The following FAM228B variants were observed in gnomAD, a reference collection of about 807,000 sequenced individuals.
FAM228B encodes protein FAM228B.
Under a neutral mutation model 42.6 loss-of-function variants are expected in FAM228B, and 38 were observed. The observed-to-expected ratio is 0.89, with a 90% CI of 0.69 to 1.17. The LOEUF is 1.17. FAM228B is among the 50% of genes most tolerant of loss of function. The probability of loss-of-function intolerance (pLI) is 0.00; values close to 1 mark genes in which losing one functional copy is unlikely to be tolerated. For synonymous variants in FAM228B, 109 were observed against 122.3 expected (o/e 0.89, Z 0.72); for missense variants, 344 against 367.3 (o/e 0.94, Z 0.52).
chr2:24,142,049 G>A (rs1284686137), intron 5 of FAM228B, among the ~76,000 whole-genome samples: 1 of 152,218 alleles, frequency 6.6e-6, no homozygotes, highest in African/African-American at 2.4e-5. Flanking sequence ...CCACCTGAGA[G>A]CGTCTCGGGT....
intron 10 of FAM228B, among the ~76,000 whole-genome samples, chr2:24,168,991 A>G (rs1394473033): frequency 6.6e-6 from 1 of 152,198 alleles, no homozygotes; most frequent in Non-Finnish European, 1.5e-5. Context: ...TGAAGAGAAA[A>G]GGGAAGAAAG....
chr2:24,077,683 G>A lies in FAM228B; in HGVS notation c.-290+714G>A. On this transcript the variant is annotated intron_variant, in intron 1 of 10. Coordinates refer to the FAM228B transcript ENST00000613899. This position sits in a 1 kb window ranked among gnomAD's most constrained non-coding sequence, Gnocchi z 5.5. ...ACTGGGTAGATTCTGTCCAGAACCG[G>A]CAGCAGACGTTGGGGGCCCTCCGTG... The A allele has an allele frequency of 6.2e-7, 1 of 1,614,098 alleles. No individual in the cohort carries two copies. The highest frequency in any genetic ancestry group is 8.5e-7 in the Non-Finnish European group (1 of 1,179,992).
chr2:24,161,410 C>G, intron 7 of FAM228B, 96 bp from the exon 8 acceptor site: 2 of 719,348 alleles, frequency 2.8e-6, no homozygotes, highest in Non-Finnish European at 2.3e-6. Context: ...TGTGATTGCA[C>G]CACTGCACCA....
chr2:24,086,347 G>T (rs190824361), intron 2 of FAM228B, among the ~76,000 whole-genome samples: 45 of 151,948 alleles, frequency 3.0e-4, no homozygotes, highest in African/African-American at 1.0e-3. Context: ...CAGATTATAC[G>T]GATTGAAAAC....
intron 3 of FAM228B, chr2:24,096,878 C>T (rs1665507213): frequency 6.6e-6 from 1 of 152,108 alleles, no homozygotes; most frequent in Admixed American, 6.6e-5. Context: ...TAAGGGCAGC[C>T]AAAGAGAAAG....
intron 2 of FAM228B, among the ~76,000 whole-genome samples, 170 bp downstream of exon 2, chr2:24,124,630 A>G (rs1034269825): frequency 6.6e-6 from 1 of 152,030 alleles, no homozygotes; most frequent in African/African-American, 2.4e-5. Context: ...TTTTTTTCTA[A>G]CATCTTAAGG....
intron 3 of FAM228B, among the ~76,000 whole-genome samples, chr2:24,115,214 T>C (rs1194898495): frequency 6.6e-6 from 1 of 152,212 alleles, no homozygotes; most frequent in Non-Finnish European, 1.5e-5. Context: ...CAAGGTTGCT[T>C]GCTGCAACCT....
chr2:24,155,472 C>T (rs1667112824), intron 7 of FAM228B, among the ~76,000 whole-genome samples: 1 of 136,736 alleles, frequency 7.3e-6, no homozygotes, highest in Non-Finnish European at 1.5e-5. Flanking sequence ...ACACACTAAG[C>T]AAGTGTGTGC....
chr2:24,084,170 G>A lies in FAM228B; in HGVS notation c.-210+3215G>A, dbSNP rs1213098574. ...GCTCTGGAGTCCCGCCCGCCCCGGC[G>A]CGGCTGAGCCCTGGGTACCTGCATT... On this transcript the variant is annotated intron_variant, in intron 2 of 10. Coordinates refer to the FAM228B transcript ENST00000613899. The surrounding 1 kb of genome is among the most constrained non-coding windows in gnomAD (Gnocchi z 8.4). 7.5e-6 allele frequency: 12 copies of A among 1,599,530 alleles called. No individual in the cohort carries two copies. The highest frequency in any genetic ancestry group is 6.7e-5 in the African/African-American group (5 of 74,650).
In FAM228B at chr2:24,167,677, G is replaced by A. The variant is rs1485434343; in HGVS notation, c.*8G>A. 26 of 1,551,512 alleles carry A rather than the reference G, an allele frequency of 1.7e-5. No individual in the cohort carries two copies. Among genetic ancestry groups the A allele is most frequent in the Non-Finnish European group, 2.1e-5 (24 of 1,146,884 alleles). ...CTGAAGCTGGAGCTATAAGAAAGAA[G>A]AGGGAGGTAGATGTCTTCTCTCTTT... On this transcript the variant is annotated 3_prime_UTR_variant, in exon 10 of 11. Coordinates refer to ENST00000615575, the MANE Select transcript of FAM228B (RefSeq NM_001145710.2).
chr2:24,099,610 A>T (rs1200821820), intron 3 of FAM228B, among the ~76,000 whole-genome samples: 1 of 152,218 alleles, frequency 6.6e-6, no homozygotes, highest in Non-Finnish European at 1.5e-5. Context: ...TGCTCAACGA[A>T]ATAAAAGAGG....
Position 24,084,009 on chromosome 2 carries a change from T to TC in FAM228B, c.-210+3059dup, listed in dbSNP as rs888761251. Reference sequence around the variant, plus strand: ...GGGGTGGATTCTGCTTTACAAGTACTCCCCCTTGTTTTGCATGAACAAAGA... The same window carrying TC: ...GGGGTGGATTCTGCTTTACAAGTACTCCCCCCTTGTTTTGCATGAACAAAGA... On this transcript the variant is annotated intron_variant, in intron 2 of 10. Transcript: ENST00000613899. The surrounding 1 kb of genome is among the most constrained non-coding windows in gnomAD (Gnocchi z 8.4). Among the ~76,000 whole-genome samples the TC allele has an allele frequency of 6.6e-6, 1 of 152,088 alleles. No individual in the cohort carries two copies. The highest frequency in any genetic ancestry group is 2.4e-5 in the African/African-American group (1 of 41,400).
intron 2 of FAM228B, among the ~76,000 whole-genome samples, chr2:24,082,642 T>G (rs4149372): frequency 0.28 from 42,720 of 152,028 alleles, 6,485 homozygotes; most frequent in South Asian, 0.39. Flanking sequence ...AGCTGGGACT[T>G]CTGCTGGGCG....
chr2:24,146,190 G>A (rs1428617923), intron 5 of FAM228B, among the ~76,000 whole-genome samples: 1 of 152,158 alleles, frequency 6.6e-6, no homozygotes, highest in Non-Finnish European at 1.5e-5. Context: ...TAAGCTTGTG[G>A]TAGAATTTCA....
At chr2:24,155,844 T>TG (rs1011426435) in intron 7 of FAM228B, among the ~76,000 whole-genome samples, 2 of 152,046 alleles carry the variant, frequency 1.3e-5, no homozygotes, top group African/African-American at 4.8e-5. Flanking sequence ...CCGGCCACCA[T>TG]GCTCATATTT....
At chr2:24,110,100 C>T (rs547492571) in intron 3 of FAM228B, among the ~76,000 whole-genome samples, 1 of 152,264 alleles carries the variant, frequency 6.6e-6, no homozygotes, top group African/African-American at 2.4e-5. Flanking sequence ...TATTATGCAG[C>T]CATAAAAAGA....
At chr2:24,090,741 C>A (rs1309606977) in intron 2 of FAM228B, among the ~76,000 whole-genome samples, 1 of 151,962 alleles carries the variant, frequency 6.6e-6, no homozygotes, top group Non-Finnish European at 1.5e-5. Context: ...AACGTAGAAG[C>A]CATTCATTAT....
chr2:24,080,095 G>A lies in FAM228B; in HGVS notation c.-289-781G>A, dbSNP rs1664932929. On this transcript the variant is annotated intron_variant, in intron 1 of 10. Transcript: ENST00000613899. This position sits in a 1 kb window ranked among gnomAD's most constrained non-coding sequence, Gnocchi z 4.7. ...ATGGAGGCCAGGCATGGTGGCTCAT[G>A]CCTGTAATCCCAGTACTTTGGGAGG... Among the ~76,000 whole-genome samples the A allele has an allele frequency of 1.3e-5, 2 of 152,186 alleles. No individual in the cohort carries two copies. The highest frequency in any genetic ancestry group is 2.9e-5 in the Non-Finnish European group (2 of 68,030).
intron 2 of FAM228B, among the ~76,000 whole-genome samples, chr2:24,134,038 G>A (rs1195889863): frequency 2.0e-5 from 3 of 152,018 alleles, no homozygotes; most frequent in African/African-American, 4.8e-5. Flanking sequence ...AGTCTTTTGG[G>A]TAATTTGTCA....
Sources: allele counts gnomAD v4.1 joint callset (sites outside exome capture counted in the v4.1 genomes callset), GRCh38; gene constraint gnomAD v4.1.1; non-coding constraint Gnocchi (gnomAD v3.1); transcripts MANE v1.5; gene names NCBI Gene and HGNC (gene_info 2026-07-23, HGNC 2026-07-21).